EYS: variants seen among roughly 807,000 people sequenced by gnomAD.
EYS encodes the protein EGF-like photoreceptor maintenance factor.
EYS carries 250 observed loss-of-function variants against 282.1 expected under a neutral mutation model. That is an observed-to-expected ratio of 0.89 (90% confidence interval 0.80 to 0.98). The LOEUF is 0.98. EYS is among the 50% of genes least tolerant of loss of function. The probability of loss-of-function intolerance (pLI) is 0.00; values close to 1 mark genes in which losing one functional copy is unlikely to be tolerated. For missense variants in EYS, 4,016 were observed against 3,709.0 expected (o/e 1.08, Z -2.15); for synonymous variants, 1,355 against 1,282.9 (o/e 1.06, Z -1.20).
At chr6:65,324,572 G>A (rs181261271) in intron 11 of EYS, among the ~76,000 whole-genome samples, 7 of 152,106 alleles carry the variant, frequency 4.6e-5, no homozygotes, top group South Asian at 2.1e-4. Flanking sequence ...GTCCTTCCTC[G>A]GAAGATCACT....
chr6:65,680,909 A>T (rs1463940178), intron 1 of EYS, among the ~76,000 whole-genome samples: 2 of 151,946 alleles, frequency 1.3e-5, no homozygotes, highest in African/African-American at 4.8e-5. Flanking sequence ...ACCTTGATGT[A>T]GCAACTGAGC....
At chr6:64,552,463 A>C (rs1765111336) in intron 26 of EYS, among the ~76,000 whole-genome samples, 1 of 152,244 alleles carries the variant, frequency 6.6e-6, no homozygotes, top group East Asian at 1.9e-4. Flanking sequence ...TTTGACAAGA[A>C]ACATTTACAA....
intron 29 of EYS, among the ~76,000 whole-genome samples, chr6:64,315,196 A>T (rs1402826554): frequency 1.3e-5 from 2 of 152,214 alleles, no homozygotes; most frequent in Non-Finnish European, 2.9e-5. Context: ...AAATTTCTGG[A>T]CACATACACA....
intron 12 of EYS, among the ~76,000 whole-genome samples, chr6:65,147,970 G>A (rs116031431): frequency 1.3e-5 from 2 of 151,954 alleles, no homozygotes; most frequent in East Asian, 3.9e-4. Context: ...GACATCATGG[G>A]GAAAACTACC....
intron 2 of EYS, among the ~76,000 whole-genome samples, chr6:65,607,361 T>C (rs2149793112): frequency 6.6e-6 from 1 of 152,004 alleles, no homozygotes; most frequent in Non-Finnish European, 1.5e-5. Context: ...AACTTCTCTC[T>C]AAAGTTATTC....
At chr6:65,569,262 C>T (rs1281038805) in intron 2 of EYS, among the ~76,000 whole-genome samples, 2 of 151,956 alleles carry the variant, frequency 1.3e-5, no homozygotes, top group African/African-American at 4.8e-5. Flanking sequence ...TGTAATTTTC[C>T]TTTACCTACC....
At chr6:64,659,135 A>G (rs2149885526) in intron 22 of EYS, among the ~76,000 whole-genome samples, 2 of 152,056 alleles carry the variant, frequency 1.3e-5, no homozygotes, top group South Asian at 4.2e-4. Context: ...CTGAATGACT[A>G]CTGGGTACAT....
At chr6:64,771,972 G>A (rs1361430223) in intron 22 of EYS, among the ~76,000 whole-genome samples, 4 of 151,548 alleles carry the variant, frequency 2.6e-5, no homozygotes, top group Non-Finnish European at 5.9e-5. Flanking sequence ...TTCATCTCTC[G>A]TGTAAATAGA....
chr6:64,459,843 C>T (rs988778940), intron 26 of EYS, among the ~76,000 whole-genome samples: 1 of 151,922 alleles, frequency 6.6e-6, no homozygotes. Context: ...TTTCCTTTAG[C>T]AATACTCTCA....
chr6:64,573,628 A>T lies in EYS; in HGVS notation c.5644+16595T>A, dbSNP rs565496880. On this transcript the variant is annotated intron_variant, in intron 26 of 42. Coordinates refer to ENST00000503581, the MANE Select transcript of EYS (RefSeq NM_001142800.2). ...AAGTGGGCAAAGGATATGAGCAGAC[A>T]CTTCTCAAAAGAAGACATTTATGCA... is the stretch of plus-strand genomic sequence containing the variant. 7.2e-5 allele frequency among the ~76,000 whole-genome samples: 11 copies of T among 152,296 alleles called. No homozygotes were observed. The South Asian group carries it at 2.3e-3, about 32-fold the overall frequency.
At chr6:64,527,247 G>A (rs997963901) in intron 26 of EYS, among the ~76,000 whole-genome samples, 2 of 151,652 alleles carry the variant, frequency 1.3e-5, no homozygotes, top group Non-Finnish European at 1.5e-5. Context: ...TTAATATATG[G>A]CCAAAGTTCT....
At chr6:65,508,319 T>C (rs1036516468) in intron 2 of EYS, among the ~76,000 whole-genome samples, 15 of 152,128 alleles carry the variant, frequency 9.9e-5, no homozygotes, top group African/African-American at 3.4e-4. Flanking sequence ...CTATGGTCTA[T>C]GATCCTCCAG....
chr6:64,628,641 A>T (rs1289662936), intron 22 of EYS, among the ~76,000 whole-genome samples: 1 of 152,132 alleles, frequency 6.6e-6, no homozygotes, highest in Non-Finnish European at 1.5e-5. Context: ...GGGTCATGCT[A>T]TGTTGCCCAG....
At chr6:64,815,223 GA>G in intron 21 of EYS, 1 of 460,402 alleles carries the variant, frequency 2.2e-6, no homozygotes, top group Non-Finnish European at 4.4e-6. Flanking sequence ...CACTTTTGCT[GA>G]AAACGTGAAC....
At chr6:64,826,560 T>C (rs1437791274) in intron 19 of EYS, among the ~76,000 whole-genome samples, 1 of 151,584 alleles carries the variant, frequency 6.6e-6, no homozygotes, top group East Asian at 1.9e-4. Flanking sequence ...TACACAATCC[T>C]TTTAGAATCA....
chr6:64,316,526 A>G (rs1191778612), intron 29 of EYS, among the ~76,000 whole-genome samples: 1 of 152,204 alleles, frequency 6.6e-6, no homozygotes, highest in Non-Finnish European at 1.5e-5. Context: ...GGACCTCTTC[A>G]AGGTGAACTA....
intron 8 of EYS, among the ~76,000 whole-genome samples, chr6:65,380,896 T>C (rs1412065964): frequency 1.3e-5 from 2 of 152,012 alleles, no homozygotes; most frequent in Non-Finnish European, 2.9e-5. Flanking sequence ...ATTAGAGAAA[T>C]GCAAATCCAA....
chr6:64,917,661 G>T (rs1006016649), intron 15 of EYS, among the ~76,000 whole-genome samples: 5 of 152,030 alleles, frequency 3.3e-5, no homozygotes, highest in South Asian at 4.1e-4. Flanking sequence ...AAGATATTGT[G>T]CACTTAAAAT....
chr6:63,937,354 T>C (rs1371177744), intron 35 of EYS, among the ~76,000 whole-genome samples: 77 of 29,138 alleles, frequency 2.6e-3, no homozygotes, highest in African/African-American at 0.01. Flanking sequence ...TCTTTTTTTT[T>C]TTTTTTTTTT....
Sources: gnomAD v4.1 joint callset for allele counts (sites outside exome capture counted in the v4.1 genomes callset) on GRCh38, gnomAD v4.1.1 for gene constraint, MANE v1.5 for transcripts, NCBI Gene and HGNC (gene_info 2026-07-23, HGNC 2026-07-21) for gene names.